The following ATP2B2 variants were observed in gnomAD, a reference collection of about 807,000 sequenced individuals.
The protein encoded by ATP2B2 is plasma membrane calcium-transporting ATPase 2.
In ATP2B2, 15 loss-of-function variants were observed where a neutral mutation model predicts 120.0. That is an observed-to-expected ratio of 0.12 (90% CI 0.08 to 0.19). The LOEUF is 0.19. Ranked by LOEUF, ATP2B2 falls within the 10% of genes least tolerant of loss-of-function variation. ATP2B2 has a pLI of 1.00. For synonymous variants in ATP2B2, 694 were observed against 700.3 expected, an observed-to-expected ratio of 0.99 and a Z score of 0.14; for missense variants, 1,045 against 1,719.8, an observed-to-expected ratio of 0.61 and a Z score of 6.94.
intron 3 of ATP2B2, among the ~76,000 whole-genome samples, chr3:10,409,187 T>C (rs149353153): frequency 5.4e-4 from 82 of 152,372 alleles, no homozygotes; most frequent in African/African-American, 1.9e-3. Context: ...CCTTCTTTCA[T>C]ATTTGGTATA....
chr3:10,401,324 C>T (rs886374874), intron 4 of ATP2B2, among the ~76,000 whole-genome samples: 3 of 152,182 alleles, frequency 2.0e-5, no homozygotes, highest in Non-Finnish European at 4.4e-5. Flanking sequence ...CTCAAGTGGG[C>T]ATGTACTTTA....
chr3:10,494,304 T>C (rs1384281647), intron 1 of ATP2B2, among the ~76,000 whole-genome samples: 2 of 152,188 alleles, frequency 1.3e-5, no homozygotes, highest in Non-Finnish European at 2.9e-5. Context: ...GGTTCTAGGC[T>C]CCTTACATGT....
At chr3:10,595,748 A>C (rs1445379992) in intron 2 of ATP2B2, among the ~76,000 whole-genome samples, 1 of 152,204 alleles carries the variant, frequency 6.6e-6, no homozygotes, top group Non-Finnish European at 1.5e-5. Flanking sequence ...ACCATACTCC[A>C]TCACATTTTC....
In ATP2B2 at chr3:10,329,179, C is replaced by CG. The variant is rs369989677; in HGVS notation, c.3421-55dup. On this transcript the variant is annotated intron_variant, in intron 22 of 22. Transcript: ENST00000360273. The surrounding 1 kb of genome is among the most constrained non-coding windows in gnomAD (Gnocchi z 5.9). ...ACTGCCCAGGGACCACAGCCAGGCT[C>CG]GGGGGGCTCACAGGAGGGGCGGGTG... is the stretch of plus-strand genomic sequence containing the variant. 2.3e-5 allele frequency: 14 copies of CG among 605,306 alleles called. No homozygotes were observed. The highest frequency in any genetic ancestry group is 3.8e-5 in the Non-Finnish European group (14 of 367,578). The allele number at this position is 605,306 out of a possible 1,614,324, so 37.5% of individuals were successfully genotyped here.
At chr3:10,705,799 C>T (rs758480040) in intron 1 of ATP2B2, among the ~76,000 whole-genome samples, 1 of 152,208 alleles carries the variant, frequency 6.6e-6, no homozygotes, top group African/African-American at 2.4e-5. Flanking sequence ...ATATAAACTC[C>T]ACAAGGTTGC....
chr3:10,668,028 G>T (rs1368960478), intron 1 of ATP2B2, among the ~76,000 whole-genome samples: 1 of 152,210 alleles, frequency 6.6e-6, no homozygotes, highest in Non-Finnish European at 1.5e-5. Context: ...GCGCTCAGTG[G>T]CCACAGGGTG....
At chr3:10,655,541 T>C (rs1431965984) in intron 1 of ATP2B2, among the ~76,000 whole-genome samples, 2 of 146,030 alleles carry the variant, frequency 1.4e-5, no homozygotes, top group East Asian at 4.1e-4. Context: ...AACAGCAGCA[T>C]CATCATTGCC....
At chr3:10,683,736 A>ATGTGTGTGTGTGTGTG (rs1559519993) in intron 1 of ATP2B2, among the ~76,000 whole-genome samples, 6 of 124,192 alleles carry the variant, frequency 4.8e-5, no homozygotes, top group African/African-American at 1.8e-4. Context: ...GTGTATATAT[A>ATGTGTGTGTGTGTGTG]TGTGTATATA....
At chr3:10,661,854 A>G (rs1226604294) in intron 1 of ATP2B2, among the ~76,000 whole-genome samples, 3 of 152,200 alleles carry the variant, frequency 2.0e-5, no homozygotes, top group Admixed American at 2.0e-4. Flanking sequence ...AAACTATACT[A>G]CAAGGCTACA....
chr3:10,557,151 G>A (rs1022936245), intron 2 of ATP2B2, among the ~76,000 whole-genome samples: 10 of 152,224 alleles, frequency 6.6e-5, no homozygotes, highest in Admixed American at 1.3e-4. Flanking sequence ...CTTGGTCTCT[G>A]CTCTGAGATG....
chr3:10,554,209 C>T (rs998255585), intron 2 of ATP2B2, among the ~76,000 whole-genome samples: 2 of 152,138 alleles, frequency 1.3e-5, no homozygotes, highest in African/African-American at 4.8e-5. Flanking sequence ...GCAGCCACAC[C>T]ATTTCACAGA....
chr3:10,640,324 C>T (rs1450874185), intron 1 of ATP2B2, among the ~76,000 whole-genome samples: 1 of 152,190 alleles, frequency 6.6e-6, no homozygotes, highest in African/African-American at 2.4e-5. Context: ...GACAGACAGA[C>T]ACAAGTGGTC....
chr3:10,526,668 G>A (rs566550199), intron 3 of ATP2B2, among the ~76,000 whole-genome samples: 1 of 152,134 alleles, frequency 6.6e-6, no homozygotes, highest in African/African-American at 2.4e-5. Flanking sequence ...ATGAGTGTGC[G>A]GATGGCCAAG....
intron 1 of ATP2B2, among the ~76,000 whole-genome samples, chr3:10,670,416 T>TTTG (rs772466340): frequency 3.9e-5 from 6 of 152,240 alleles, no homozygotes; most frequent in African/African-American, 9.6e-5. Flanking sequence ...TATTGGGTTT[T>TTTG]TTGTTGTTGT....
intron 1 of ATP2B2, among the ~76,000 whole-genome samples, chr3:10,467,513 TG>T (rs2064798229): frequency 6.6e-6 from 1 of 152,140 alleles, no homozygotes; most frequent in Non-Finnish European, 1.5e-5. Flanking sequence ...CAGACACAGT[TG>T]GCACATGGCA....
chr3:10,346,779 C>A lies in ATP2B2; in HGVS notation c.2405-642G>T, dbSNP rs935294108. ...GGGGACCTGTGGAGTTTGTGGGACT[C>A]CTCATTCATGGGGCTTGCGAGCAGG... On this transcript the variant is annotated intron_variant, in intron 16 of 22. Transcript: ENST00000360273. This position sits in a 1 kb window ranked among gnomAD's most constrained non-coding sequence, Gnocchi z 4.1. Among the ~76,000 whole-genome samples the A allele has an allele frequency of 1.5e-4, 23 of 152,166 alleles. No individual in the cohort carries two copies. Among genetic ancestry groups the A allele is most frequent in the Admixed American group, 1.1e-3 (17 of 15,278 alleles).
intron 1 of ATP2B2, among the ~76,000 whole-genome samples, chr3:10,694,129 C>A (rs1485794008): frequency 6.6e-6 from 1 of 152,188 alleles, no homozygotes; most frequent in Non-Finnish European, 1.5e-5. Context: ...TGTTACAATC[C>A]ACAGAGCTTC....
At chr3:10,675,804 G>A (rs988438869) in intron 1 of ATP2B2, among the ~76,000 whole-genome samples, 1 of 152,124 alleles carries the variant, frequency 6.6e-6, no homozygotes, top group Non-Finnish European at 1.5e-5. Flanking sequence ...ACAGCCTCAG[G>A]GTCTTTGCAC....
At chr3:10,472,923 AG>A (rs2065069791) in intron 1 of ATP2B2, among the ~76,000 whole-genome samples, 1 of 152,226 alleles carries the variant, frequency 6.6e-6, no homozygotes, top group South Asian at 2.1e-4. Context: ...TAGGATCTTC[AG>A]CAGGTCCCAT....
Sources: gnomAD v4.1 joint callset for allele counts (sites outside exome capture counted in the v4.1 genomes callset) on GRCh38, gnomAD v4.1.1 for gene constraint, Gnocchi (gnomAD v3.1) non-coding constraint, MANE v1.5 for transcripts, NCBI Gene and HGNC (gene_info 2026-07-23, HGNC 2026-07-21) for gene names.